The following INSR variants were observed in gnomAD, a reference collection of about 807,000 sequenced individuals.
INSR encodes insulin receptor, also known as IR.
In INSR, 67 loss-of-function variants were observed where a neutral mutation model predicts 142.6. The ratio of observed to expected loss-of-function variants is 0.47; its 90% CI spans 0.39 to 0.58. The LOEUF (loss-of-function observed/expected upper bound fraction) is 0.58, where lower values mean the gene tolerates loss of function less well. Among genes scored for constraint, INSR ranks in the 20% least tolerant of loss-of-function variants. INSR has a pLI of 0.00. For missense variants in INSR, 1,248 were observed against 1,833.2 expected, an observed-to-expected ratio of 0.68 and a Z score of 5.83; for synonymous variants, 756 against 743.1, an observed-to-expected ratio of 1.02 and a Z score of -0.28.
At chr19:7,172,238 C>T (rs776303597) in intron 5 of INSR, 52 bp downstream of exon 5, 1 of 1,605,952 alleles carries the variant, frequency 6.2e-7, no homozygotes, top group Non-Finnish European at 8.5e-7. Flanking sequence ...TGTTCTAATA[C>T]ACGAACTTCC....
chr19:7,207,394 G>A (rs1306937679), intron 2 of INSR, among the ~76,000 whole-genome samples: 1 of 151,914 alleles, frequency 6.6e-6, no homozygotes, highest in Non-Finnish European at 1.5e-5. Context: ...TCCAGCCTGG[G>A]CAACAGAGTG....
chr19:7,274,526 C>G (rs1226065509), intron 1 of INSR, among the ~76,000 whole-genome samples: 2 of 151,672 alleles, frequency 1.3e-5, no homozygotes, highest in Non-Finnish European at 2.9e-5. Context: ...GTCGCCCAGG[C>G]GTGGTGGCTC....
chr19:7,208,788 G>A (rs551154085), intron 2 of INSR, among the ~76,000 whole-genome samples: 5 of 150,520 alleles, frequency 3.3e-5, no homozygotes, highest in Admixed American at 2.7e-4. Flanking sequence ...GGCGGATCAC[G>A]AGGTCAGGAA....
intron 8 of INSR, 32 bp from the exon 9 acceptor site, chr19:7,163,231 G>C: frequency 2.5e-6 from 4 of 1,592,242 alleles, no homozygotes; most frequent in Non-Finnish European, 3.4e-6. Flanking sequence ...GGTCCATCAT[G>C]AGAAACAGTG....
intron 2 of INSR, among the ~76,000 whole-genome samples, chr19:7,222,148 T>G (rs369457160): frequency 3.1e-5 from 2 of 64,324 alleles, no homozygotes; most frequent in African/African-American, 6.6e-5. Context: ...AAAAAAAAAA[T>G]CAGGAGTGAC....
intron 2 of INSR, among the ~76,000 whole-genome samples, chr19:7,221,478 C>T (rs142134927): frequency 1.3e-5 from 2 of 151,880 alleles, no homozygotes; most frequent in Admixed American, 6.6e-5. Flanking sequence ...GAGGCCGAGG[C>T]GGGCGGATCA....
At chr19:7,280,278 A>G (rs1005999441) in intron 1 of INSR, among the ~76,000 whole-genome samples, 4 of 151,170 alleles carry the variant, frequency 2.6e-5, no homozygotes, top group Non-Finnish European at 5.9e-5. Flanking sequence ...CAAAAAACAA[A>G]AAAACAAAAC....
chr19:7,180,175 G>A (rs532480709), intron 3 of INSR, among the ~76,000 whole-genome samples: 17 of 152,264 alleles, frequency 1.1e-4, no homozygotes, highest in African/African-American at 3.6e-4. Flanking sequence ...GTTTTGTTAC[G>A]CAACAAGAGC....
intron 9 of INSR, among the ~76,000 whole-genome samples, chr19:7,153,196 A>ACC (rs1973459122): frequency 2.3e-4 from 1 of 4,356 alleles, no homozygotes; most frequent in African/African-American, 4.6e-4. Context: ...CCACACACAC[A>ACC]CCACACACAC....
intron 3 of INSR, among the ~76,000 whole-genome samples, chr19:7,178,213 T>C (rs1052159332): frequency 3.4e-5 from 4 of 118,032 alleles, no homozygotes; most frequent in Non-Finnish European, 6.6e-5. Flanking sequence ...ATGCTTTTGT[T>C]AGGAGTGTTA....
rs1972627353 is a variant in INSR at position 7,125,581 on chromosome 19, G to A, written c.3014-54C>T. 1 of 1,604,458 alleles carries A rather than the reference G, an allele frequency of 6.2e-7. No homozygotes were observed. Among genetic ancestry groups the A allele is most frequent in the East Asian group, 2.2e-5 (1 of 44,870 alleles). ...TTGGAGGATCCCTTGGGGGTCTGCA[G>A]CCACCTTCCACCCAAGCCCTCACCC... On this transcript the variant is annotated intron_variant, in intron 16 of 21. Transcript: ENST00000302850. This position sits in a 1 kb window ranked among gnomAD's most constrained non-coding sequence, Gnocchi z 4.9.
rs1973321846 is a variant in INSR, at chr19:7,150,976, T to C, written c.2232-444A>G. On this transcript the variant is annotated intron_variant, in intron 10 of 21. Coordinates refer to ENST00000302850, the MANE Select transcript of INSR (RefSeq NM_000208.4). This position sits in a 1 kb window ranked among gnomAD's most constrained non-coding sequence, Gnocchi z 4.2. ...TCCTTCCTTCTTTCCTCTTTTACTT[T>C]CTTTCTCTCTTTTTCCCTCTTTCCT... Among the ~76,000 whole-genome samples, 1 of 151,200 alleles carries C rather than the reference T, an allele frequency of 6.6e-6. No homozygotes were observed. Among genetic ancestry groups the C allele is most frequent in the African/African-American group, 2.4e-5 (1 of 41,214 alleles).
chr19:7,269,051 C>CACACAT (rs1254617375), intron 1 of INSR, among the ~76,000 whole-genome samples: 3 of 151,658 alleles, frequency 2.0e-5, no homozygotes, highest in Non-Finnish European at 2.9e-5. Context: ...CACACACACA[C>CACACAT]ACACACACAC....
At chr19:7,158,326 C>T (rs952129545) in intron 9 of INSR, among the ~76,000 whole-genome samples, 17 of 151,806 alleles carry the variant, frequency 1.1e-4, no homozygotes, top group Non-Finnish European at 2.2e-4. Context: ...TGGTGAAACC[C>T]CGTCTCTACT....
In INSR at chr19:7,293,871, C is replaced by G; in HGVS notation, c.21G>C (p.Arg7=). Residue 7 remains arginine (R), a synonymous_variant, in exon 1 of 22, where the codon CGG becomes CGC. Coordinates refer to ENST00000302850, the MANE Select transcript of INSR (RefSeq NM_000208.4). ...CCAGCAGCGGCGCGGCCGCCGCCCC[C>G]CGCCGGCCCCCGGTGGCCATGGCTG... is the stretch of plus-strand genomic sequence containing the variant. The part of the protein sequence containing the change: MATGGR[R]GAAAAPLLVA... 1 of 1,239,566 alleles carries G rather than the reference C, an allele frequency of 8.1e-7. No homozygotes were observed. The highest frequency in any genetic ancestry group is 1.0e-6 in the Non-Finnish European group (1 of 997,918). 76.8% of individuals were successfully genotyped at this position (1,239,566 alleles called of 1,614,324 possible). A position where few individuals can be genotyped will look rare whatever the true frequency, so the allele number is the denominator to read the frequency against.
rs769481102 is a variant in INSR at position 7,142,841 on chromosome 19, G to A, written c.2517C>T (p.Tyr839=). 1.5e-5 allele frequency: 24 copies of A among 1,613,920 alleles called. No individual in the cohort carries two copies. Among genetic ancestry groups the A allele is most frequent in the African/African-American group, 1.5e-4 (11 of 74,912 alleles). The change falls in exon 12 of 22, where the codon TAC becomes TAT. Residue 839 remains tyrosine, a synonymous_variant. Coordinates refer to ENST00000302850, the MANE Select transcript of INSR (RefSeq NM_000208.4). ...CTTCAGGCATGGTCCTCGCACTGAC[G>A]TAGGCTGCCACACTGCACCGTTCCT... ...TPEERCSVAA[Y]VSARTMPEAK...
At chr19:7,283,971 C>T (rs751363582) in intron 1 of INSR, among the ~76,000 whole-genome samples, 4 of 152,122 alleles carry the variant, frequency 2.6e-5, no homozygotes, top group Non-Finnish European at 5.9e-5. Context: ...TCATTAACAC[C>T]GAACTCACGG....
At chr19:7,138,421 C>G (rs1490274170) in intron 13 of INSR, among the ~76,000 whole-genome samples, 2 of 152,148 alleles carry the variant, frequency 1.3e-5, no homozygotes, top group Admixed American at 1.3e-4. Flanking sequence ...GTCACCCAGT[C>G]TGCAGTGTAG....
intron 11 of INSR, among the ~76,000 whole-genome samples, chr19:7,148,601 C>T (rs1973240583): frequency 6.6e-6 from 1 of 150,890 alleles, no homozygotes; most frequent in Non-Finnish European, 1.5e-5. Context: ...CCTCGGCCTC[C>T]CAAGTAGCTG....
Sources: allele counts gnomAD v4.1 joint callset (sites outside exome capture counted in the v4.1 genomes callset), GRCh38; gene constraint gnomAD v4.1.1; non-coding constraint Gnocchi (gnomAD v3.1); transcripts MANE v1.5; gene names NCBI Gene and HGNC (gene_info 2026-07-23, HGNC 2026-07-21).